NME8: variants seen among roughly 807,000 people sequenced by gnomAD.
NME8 encodes NME/NM23 family member 8, also known as protein NME8.
In NME8, 72 loss-of-function variants were observed where a neutral mutation model predicts 82.3. The observed-to-expected ratio is 0.87, with a 90% confidence interval of 0.72 to 1.06. The LOEUF (loss-of-function observed/expected upper bound fraction) is 1.06, where lower values mean the gene tolerates loss of function less well. Ranked by LOEUF, NME8 falls within the 50% of genes least tolerant of loss-of-function variation. NME8 has a pLI of 0.00. For missense variants in NME8, 712 were observed against 685.4 expected (o/e 1.04, Z -0.43); for synonymous variants, 267 against 228.5 (o/e 1.17, Z -1.52).
intron 12 of NME8, among the ~76,000 whole-genome samples, chr7:37,877,524 T>C (rs1279788984): frequency 6.6e-6 from 1 of 152,228 alleles, no homozygotes; most frequent in Non-Finnish European, 1.5e-5. Flanking sequence ...TCTTTTTTTA[T>C]ATCTAATATA....
intron 16 of NME8, among the ~76,000 whole-genome samples, chr7:37,894,950 T>C (rs1785198543): frequency 6.6e-6 from 1 of 151,946 alleles, no homozygotes; most frequent in African/African-American, 2.4e-5. Flanking sequence ...ACATTAGATA[T>C]AGAGGCTGCC....
intron 16 of NME8, among the ~76,000 whole-genome samples, chr7:37,895,886 C>T (rs1304840894): frequency 6.6e-6 from 1 of 152,126 alleles, no homozygotes; most frequent in African/African-American, 2.4e-5. Context: ...ATAGGCTGAA[C>T]CAGATAGCCT....
chr7:37,867,544 A>C (rs1209222998), intron 10 of NME8, among the ~76,000 whole-genome samples, 158 bp from the exon 11 acceptor site: 1 of 152,222 alleles, frequency 6.6e-6, no homozygotes, highest in Non-Finnish European at 1.5e-5. Flanking sequence ...ACCCCCAAAC[A>C]ATAAAAATGT....
At chr7:37,897,756 A>C (rs1464941386) in intron 17 of NME8, among the ~76,000 whole-genome samples, 1 of 151,850 alleles carries the variant, frequency 6.6e-6, no homozygotes, top group Non-Finnish European at 1.5e-5. Context: ...ATGAGTGAGA[A>C]CATGTAATGT....
chr7:37,894,483 G>A lies in NME8; in HGVS notation c.1417G>A (p.Val473Ile), dbSNP rs1176910976. 1 of 1,613,032 alleles carries A rather than the reference G, an allele frequency of 6.2e-7. No homozygotes were observed. Among genetic ancestry groups the A allele is most frequent in the East Asian group, 2.2e-5 (1 of 44,796 alleles). Residue 473 changes from valine (V) to isoleucine (I), a missense_variant, in exon 16 of 18, where the codon GTT becomes ATT. Coordinates refer to ENST00000199447, the MANE Select transcript of NME8 (RefSeq NM_016616.5). ...TTTCTTAGAGCAGATCCTGAAGATAGTTAAGGAGGCTGGATTTGATCTGAC... is the reference window on the plus strand; with the variant it reads ...TTTCTTAGAGCAGATCCTGAAGATAATTAAGGAGGCTGGATTTGATCTGAC... The part of the protein sequence containing the change: ...SEQREQILKI[V>I]KEAGFDLTQV...
intron 15 of NME8, among the ~76,000 whole-genome samples, chr7:37,891,601 T>C (rs543150636): frequency 1.1e-3 from 172 of 152,168 alleles, no homozygotes; most frequent in African/African-American, 4.0e-3. Context: ...TTATTTGTTC[T>C]GTAAGCCATT....
intron 11 of NME8, among the ~76,000 whole-genome samples, chr7:37,869,422 A>C (rs1162037607): frequency 1.3e-5 from 2 of 152,178 alleles, no homozygotes; most frequent in Non-Finnish European, 2.9e-5. Context: ...TCAAAAAACA[A>C]AAAGCGTTCT....
At position 37,896,039 on chromosome 7, in the gene NME8, G is replaced by GCA. The variant is rs147868974; in HGVS notation, c.1545-819_1545-818dup. On this transcript the variant is annotated intron_variant, in intron 16 of 17. Transcript: ENST00000199447. ...CATGACTGTACATACACACACACAT[G>GCA]CACACACACACACGTGTGTATAAAA... 5.9e-5 allele frequency among the ~76,000 whole-genome samples: 9 copies of GCA among 151,486 alleles called. No homozygotes were observed. In the East Asian group the frequency reaches 9.7e-4, roughly 16 times the overall value.
rs745894785 is a variant in NME8, at chr7:37,850,241, T to C, written c.-7-19T>C. The C allele has an allele frequency of 5.9e-6, 9 of 1,535,994 alleles. No homozygotes were observed. In the African/African-American group the frequency reaches 1.8e-4, roughly 31 times the overall value. On this transcript the variant is annotated intron_variant, in intron 2 of 17. Coordinates refer to ENST00000199447, the MANE Select transcript of NME8 (RefSeq NM_016616.5). ...TAAATTTCCTACTTAAAAATTTTTC[T>C]TTCTTTTTCCTATGATAGTAGATAA...
At chr7:37,869,245 A>G (rs1045479629) in intron 11 of NME8, among the ~76,000 whole-genome samples, 3 of 152,190 alleles carry the variant, frequency 2.0e-5, no homozygotes, top group Non-Finnish European at 4.4e-5. Context: ...CGCAGGATAA[A>G]GGAACTCATA....
chr7:37,851,120 G>T (rs939834335), intron 5 of NME8, among the ~76,000 whole-genome samples: 3 of 152,086 alleles, frequency 2.0e-5, no homozygotes. Context: ...TTTTCCAGTG[G>T]CAATGATTTT....
intron 7 of NME8, among the ~76,000 whole-genome samples, chr7:37,862,639 A>G (rs1045030454): frequency 1.9e-4 from 11 of 57,980 alleles, no homozygotes; most frequent in Non-Finnish European, 3.6e-4. Context: ...TATTGGTTTG[A>G]GAAATATTTT....
chr7:37,875,418 A>C (rs918284202), intron 11 of NME8, among the ~76,000 whole-genome samples: 3 of 151,760 alleles, frequency 2.0e-5, no homozygotes, highest in South Asian at 2.1e-4. Context: ...ACACACACAC[A>C]CCCACACAGC....
intron 15 of NME8, among the ~76,000 whole-genome samples, chr7:37,893,702 C>T (rs1170844547): frequency 6.6e-6 from 1 of 152,188 alleles, no homozygotes; most frequent in Non-Finnish European, 1.5e-5. Context: ...TTATATATTA[C>T]TCTATAATAA....
intron 16 of NME8, among the ~76,000 whole-genome samples, chr7:37,895,794 A>G (rs1000523822): frequency 6.6e-6 from 1 of 152,188 alleles, no homozygotes; most frequent in Non-Finnish European, 1.5e-5. Flanking sequence ...ATATATGTTT[A>G]GATACACAAA....
chr7:37,854,380 G>A (rs545301298), intron 5 of NME8, among the ~76,000 whole-genome samples: 5 of 152,208 alleles, frequency 3.3e-5, no homozygotes, highest in African/African-American at 1.2e-4. Context: ...GACGTCTCAG[G>A]GGTGGCAGAA....
chr7:37,891,586 G>T (rs527608636), intron 15 of NME8, among the ~76,000 whole-genome samples: 2 of 151,774 alleles, frequency 1.3e-5, no homozygotes, highest in African/African-American at 2.4e-5. Context: ...TTGTGTTTGA[G>T]AAATTTATTT....
intron 6 of NME8, 108 bp from the exon 7 acceptor site, chr7:37,861,920 A>G (rs1447105848): frequency 2.5e-6 from 2 of 792,416 alleles, no homozygotes; most frequent in Non-Finnish European, 4.6e-6. Flanking sequence ...AGGATTCATG[A>G]GGATGAGAGT....
intron 17 of NME8, among the ~76,000 whole-genome samples, chr7:37,899,477 T>C (rs902722729): frequency 6.6e-6 from 1 of 151,570 alleles, no homozygotes; most frequent in Non-Finnish European, 1.5e-5. Flanking sequence ...AGCTGAATGA[T>C]GAGAACACAT....
Sources: allele counts gnomAD v4.1 joint callset (sites outside exome capture counted in the v4.1 genomes callset), GRCh38; gene constraint gnomAD v4.1.1; transcripts MANE v1.5; gene names NCBI Gene and HGNC (gene_info 2026-07-23, HGNC 2026-07-21).